Variants in SCAI observed in about 807,000 individuals in gnomAD.
SCAI encodes suppressor of cancer cell invasion, also known as protein SCAI.
SCAI carries 24 observed loss-of-function variants against 92.2 expected under a neutral mutation model. That is an observed-to-expected ratio of 0.26 (90% CI 0.19 to 0.37). The LOEUF is 0.37. SCAI is among the 10% of genes least tolerant of loss of function. SCAI has a pLI of 1.00. For missense variants in SCAI, 450 were observed against 736.2 expected (o/e 0.61, Z 4.50); for synonymous variants, 261 against 258.6 (o/e 1.01, Z -0.09).
chr9:125,047,618 A>C (rs540483427), intron 3 of SCAI, among the ~76,000 whole-genome samples: 2 of 152,326 alleles, frequency 1.3e-5, no homozygotes, highest in East Asian at 3.9e-4. Context: ...CAAAATAGCC[A>C]ATATGGATTC....
rs996244805 is a variant in SCAI, at chr9:125,142,808, C to T, written c.54-131G>A. 1.8e-5 allele frequency: 13 copies of T among 725,516 alleles called. No homozygotes were observed. The Admixed American group carries it at 3.0e-4, about 17-fold the overall frequency. The allele number at this position is 725,516 out of a possible 1,614,324, so 44.9% of individuals were successfully genotyped here. On this transcript the variant is annotated intron_variant, in intron 1 of 17. Coordinates refer to ENST00000336505, the MANE Select transcript of SCAI (RefSeq NM_001144877.3). ...CAGGCTCGCCAAGCCCAGATCTGAC[C>T]TTACAAACGCCTCATGCCCTGTTTC...
At chr9:125,072,076 T>G (rs1170364425) in intron 2 of SCAI, among the ~76,000 whole-genome samples, 1 of 150,280 alleles carries the variant, frequency 6.7e-6, no homozygotes, top group Non-Finnish European at 1.5e-5. Context: ...CAGGCTGGAG[T>G]GCAGTGGTGC....
chr9:125,000,040 G>A, intron 12 of SCAI, 50 bp from the exon 13 acceptor site: 1 of 770,556 alleles, frequency 1.3e-6, no homozygotes, highest in Non-Finnish European at 2.1e-6. Context: ...GACTAACACT[G>A]ACCTGATGTT....
At chr9:125,032,733 C>G (rs951704650) in intron 3 of SCAI, among the ~76,000 whole-genome samples, 1 of 151,690 alleles carries the variant, frequency 6.6e-6, no homozygotes, top group African/African-American at 2.4e-5. Context: ...CCTACCTCAG[C>G]CTCCAAAGTA....
chr9:125,066,950 C>A (rs1471975063), intron 2 of SCAI, among the ~76,000 whole-genome samples: 3 of 152,094 alleles, frequency 2.0e-5, no homozygotes, highest in African/African-American at 4.8e-5. Flanking sequence ...TACCGTGAAG[C>A]CTAGGTATGT....
At chr9:124,957,368 AT>A (rs545626411) in intron 17 of SCAI, among the ~76,000 whole-genome samples, 27 of 146,188 alleles carry the variant, frequency 1.8e-4, no homozygotes, top group Admixed American at 2.0e-4. Flanking sequence ...AAATAATTCA[AT>A]TTTTTTTTTT....
intron 2 of SCAI, among the ~76,000 whole-genome samples, chr9:125,119,273 G>C (rs1379877733): frequency 6.6e-6 from 1 of 152,140 alleles, no homozygotes; most frequent in Non-Finnish European, 1.5e-5. Context: ...GATTTACAAA[G>C]AGGATACTGC....
chr9:125,043,220 G>C (rs938315050), intron 3 of SCAI, among the ~76,000 whole-genome samples: 3 of 152,086 alleles, frequency 2.0e-5, no homozygotes, highest in Non-Finnish European at 4.4e-5. Flanking sequence ...GTGGTCAAAG[G>C]CAAAGGAATA....
intron 2 of SCAI, among the ~76,000 whole-genome samples, chr9:125,059,528 T>C (rs1349941279): frequency 6.6e-6 from 1 of 152,162 alleles, no homozygotes; most frequent in Non-Finnish European, 1.5e-5. Context: ...AATACAAACC[T>C]AATGCAGCAA....
intron 14 of SCAI, among the ~76,000 whole-genome samples, chr9:124,984,305 G>A (rs1831944157): frequency 6.6e-6 from 1 of 152,102 alleles, no homozygotes; most frequent in Admixed American, 6.6e-5. Flanking sequence ...GGGGAGGGAG[G>A]GGTATATGTA....
At chr9:124,998,833 G>A (rs1832300125) in intron 13 of SCAI, among the ~76,000 whole-genome samples, 1 of 151,854 alleles carries the variant, frequency 6.6e-6, no homozygotes, top group South Asian at 2.1e-4. Context: ...GGCCAAGCTG[G>A]TCTCAAACTC....
intron 2 of SCAI, among the ~76,000 whole-genome samples, chr9:125,137,097 T>C (rs1835554627): frequency 6.6e-6 from 1 of 152,164 alleles, no homozygotes. Flanking sequence ...AACCATTACA[T>C]CCTTATTCTA....
At position 125,132,281 on chromosome 9, in the gene SCAI, T is replaced by G. The variant is rs1835418313; in HGVS notation, c.98+10352A>C. Among the ~76,000 whole-genome samples, 3 of 151,930 alleles carry G rather than the reference T, an allele frequency of 2.0e-5. No individual in the cohort carries two copies. The South Asian group carries it at 6.2e-4, about 32-fold the overall frequency. ...GGCACGTACCACCACGCCTGGCTAG[T>G]TTTTGTATTTCTAGTAGAGAAAGGG... On this transcript the variant is annotated intron_variant, in intron 2 of 17. Transcript: ENST00000336505.
intron 9 of SCAI, among the ~76,000 whole-genome samples, chr9:125,013,878 T>C (rs368354468): frequency 1.3e-5 from 2 of 152,028 alleles, no homozygotes; most frequent in Admixed American, 1.3e-4. Context: ...GTTCAATATA[T>C]GCAAATCAAT....
chr9:125,034,578 A>G (rs533786393), intron 3 of SCAI, among the ~76,000 whole-genome samples: 1 of 152,180 alleles, frequency 6.6e-6, no homozygotes, highest in East Asian at 1.9e-4. Context: ...TCTACAAACA[A>G]AAATAAAAAA....
intron 17 of SCAI, among the ~76,000 whole-genome samples, chr9:124,960,424 T>C (rs117456501): frequency 6.6e-6 from 1 of 152,166 alleles, no homozygotes; most frequent in Non-Finnish European, 1.5e-5. Context: ...ACAACTGCCA[T>C]GTATTCATCA....
intron 17 of SCAI, among the ~76,000 whole-genome samples, chr9:124,967,229 T>C (rs1033207735): frequency 1.3e-5 from 2 of 152,204 alleles, no homozygotes; most frequent in African/African-American, 4.8e-5. Context: ...CCAATAACAA[T>C]GTTTCCTATA....
At chr9:124,978,996 G>T (rs1251868881) in intron 14 of SCAI, among the ~76,000 whole-genome samples, 1 of 151,864 alleles carries the variant, frequency 6.6e-6, no homozygotes, top group African/African-American at 2.4e-5. Flanking sequence ...GAGTAGCTGG[G>T]ATTACAGGGG....
chr9:125,140,617 GC>G, intron 2 of SCAI, among the ~76,000 whole-genome samples: 1 of 148,886 alleles, frequency 6.7e-6, no homozygotes, highest in Non-Finnish European at 1.5e-5. Flanking sequence ...ACTTTAGTAG[GC>G]CAAGGTGGTT....
Sources: allele counts gnomAD v4.1 joint callset (sites outside exome capture counted in the v4.1 genomes callset), GRCh38; gene constraint gnomAD v4.1.1; transcripts MANE v1.5; gene names NCBI Gene and HGNC (gene_info 2026-07-23, HGNC 2026-07-21).